DCLK2: variants seen among roughly 807,000 people sequenced by gnomAD.
The protein encoded by DCLK2 is doublecortin like kinase 2.
Under a neutral mutation model 78.4 loss-of-function variants are expected in DCLK2, and 31 were observed. The ratio of observed to expected loss-of-function variants is 0.40; its 90% confidence interval spans 0.30 to 0.53. The LOEUF (loss-of-function observed/expected upper bound fraction) is 0.53, where lower values mean the gene tolerates loss of function less well. DCLK2 is among the 20% of genes least tolerant of loss of function. The pLI, the probability that DCLK2 is intolerant of heterozygous loss-of-function variation, is 0.61. For missense variants in DCLK2, 872 were observed against 973.7 expected (o/e 0.90, Z 1.39); for synonymous variants, 407 against 374.9 (o/e 1.09, Z -0.99).
intron 2 of DCLK2, among the ~76,000 whole-genome samples, chr4:150,170,806 A>C (rs530267924): frequency 3.9e-5 from 6 of 152,332 alleles, no homozygotes; most frequent in African/African-American, 1.4e-4. Flanking sequence ...AAACCTGTAC[A>C]ACATGACTCT....
intron 11 of DCLK2, 128 bp downstream of exon 11, chr4:150,240,003 CA>C (rs1742793197): frequency 9.7e-7 from 1 of 1,032,626 alleles, no homozygotes; most frequent in Non-Finnish European, 1.4e-6. Flanking sequence ...CTTGTGTATA[CA>C]GTTGGTAAGA....
In DCLK2 at chr4:150,247,687, G is replaced by C. The variant is rs759327510; in HGVS notation, c.1863G>C (p.Thr621=). The C allele has an allele frequency of 6.2e-7, 1 of 1,613,920 alleles. No homozygotes were observed. Among genetic ancestry groups the C allele is most frequent in the East Asian group, 2.2e-5 (1 of 44,884 alleles). ...EFPAPYWDNI[T]DSAKELISQM... ...CGGCCCCCTACTGGGATAACATCACGGACTCTGCCAAGGTACCCTCCAGGC... is the reference window on the plus strand; with the variant it reads ...CGGCCCCCTACTGGGATAACATCACCGACTCTGCCAAGGTACCCTCCAGGC... Residue 621 remains threonine, a synonymous_variant, in exon 13 of 16, where the codon ACG becomes ACC. Transcript: ENST00000296550.
chr4:150,244,842 CAG>C (rs1169640390), intron 12 of DCLK2, among the ~76,000 whole-genome samples: 4 of 152,224 alleles, frequency 2.6e-5, no homozygotes, highest in Admixed American at 6.5e-5. Flanking sequence ...TTTGTTGACT[CAG>C]GGTATTTTGC....
chr4:150,182,812 G>A (rs1737627772), intron 2 of DCLK2, among the ~76,000 whole-genome samples: 1 of 152,016 alleles, frequency 6.6e-6, no homozygotes, highest in Admixed American at 6.6e-5. Context: ...GCCATTTACT[G>A]GACTTCCTTT....
chr4:150,160,255 C>T (rs1429205105), intron 2 of DCLK2, among the ~76,000 whole-genome samples: 1 of 152,152 alleles, frequency 6.6e-6, no homozygotes, highest in Non-Finnish European at 1.5e-5. Flanking sequence ...TGAGCTCAAG[C>T]AATCCACCTG....
intron 1 of DCLK2, among the ~76,000 whole-genome samples, chr4:150,090,841 C>T (rs553446650): frequency 1.3e-5 from 2 of 152,216 alleles, no homozygotes; most frequent in African/African-American, 2.4e-5. Context: ...CACTTGCCTG[C>T]AGGTGTATTG....
At chr4:150,140,235 A>C (rs1734022457) in intron 2 of DCLK2, among the ~76,000 whole-genome samples, 1 of 152,216 alleles carries the variant, frequency 6.6e-6, no homozygotes, top group Non-Finnish European at 1.5e-5. Context: ...TATCTTCTTT[A>C]ATTATTGTTA....
At chr4:150,254,310 G>T (rs1560919865) in intron 15 of DCLK2, 1 of 398,218 alleles carries the variant, frequency 2.5e-6, no homozygotes, top group African/African-American at 2.1e-5. Flanking sequence ...CTTAATTTAA[G>T]ATAGACAAAA....
At chr4:150,242,898 T>C (rs1163366737) in intron 12 of DCLK2, among the ~76,000 whole-genome samples, 1 of 151,462 alleles carries the variant, frequency 6.6e-6, no homozygotes, top group African/African-American at 2.4e-5. Context: ...CTCAGTGATG[T>C]CATGTTTTGG....
At chr4:150,217,638 C>G (rs913260880) in intron 5 of DCLK2, among the ~76,000 whole-genome samples, 5 of 152,190 alleles carry the variant, frequency 3.3e-5, no homozygotes, top group Non-Finnish European at 5.9e-5. Flanking sequence ...CTTCTTATCC[C>G]TTAAAACAGC....
chr4:150,142,962 C>T (rs1463972389), intron 2 of DCLK2, among the ~76,000 whole-genome samples: 1 of 152,054 alleles, frequency 6.6e-6, no homozygotes, highest in African/African-American at 2.4e-5. Flanking sequence ...TCCCCAGTGT[C>T]TGTTATTTCT....
chr4:150,197,259 G>A (rs915171827), intron 3 of DCLK2, among the ~76,000 whole-genome samples: 1 of 152,178 alleles, frequency 6.6e-6, no homozygotes, highest in African/African-American at 2.4e-5. Context: ...ATAAGTTAGA[G>A]TCCCATACCC....
intron 2 of DCLK2, among the ~76,000 whole-genome samples, chr4:150,155,734 T>C (rs1006520322): frequency 1.3e-5 from 2 of 152,136 alleles, no homozygotes; most frequent in African/African-American, 4.8e-5. Context: ...TCAATAAGAT[T>C]GGGATTTCTG....
chr4:150,236,203 G>A (rs1742492538), intron 10 of DCLK2, among the ~76,000 whole-genome samples: 1 of 152,198 alleles, frequency 6.6e-6, no homozygotes, highest in African/African-American at 2.4e-5. Context: ...TTGTGGTGGG[G>A]CGTTTGAACA....
intron 1 of DCLK2, among the ~76,000 whole-genome samples, chr4:150,096,409 C>T (rs1373527473): frequency 9.9e-5 from 15 of 152,118 alleles, no homozygotes; most frequent in Non-Finnish European, 4.4e-5. Flanking sequence ...GGGTTGAACT[C>T]GAGAAAGATC....
rs371290261 is a variant in DCLK2 at position 150,079,454 on chromosome 4, A to T, written c.421+6A>T. The T allele has an allele frequency of 4.0e-4, 597 of 1,486,758 alleles. 3 individuals are homozygous for T. The African/African-American group carries it at 7.5e-3, about 19-fold the overall frequency. The allele number at this position is 1,486,758 out of a possible 1,614,324, so 92.1% of individuals were successfully genotyped here. ...CCTGGACGAGCTGCTGGAAGGTAGG[A>T]GGGGAGGGCGCCGCACGGCAGGTGC... On this transcript the variant is annotated splice_donor_region_variant and intron_variant, in intron 1 of 15. Transcript: ENST00000296550.
chr4:150,087,577 G>A (rs2150134621), intron 1 of DCLK2, among the ~76,000 whole-genome samples: 1 of 152,340 alleles, frequency 6.6e-6, no homozygotes, highest in East Asian at 1.9e-4. Flanking sequence ...AGGGGAAGTT[G>A]TCCATTTTTA....
At chr4:150,180,248 T>A (rs1254483486) in intron 2 of DCLK2, among the ~76,000 whole-genome samples, 1 of 152,216 alleles carries the variant, frequency 6.6e-6, no homozygotes, top group Non-Finnish European at 1.5e-5. Context: ...TCTTTGAGCC[T>A]CTTTTTGTGT....
At chr4:150,247,275 A>G (rs187495439) in intron 12 of DCLK2, among the ~76,000 whole-genome samples, 22 of 152,312 alleles carry the variant, frequency 1.4e-4, no homozygotes, top group Middle Eastern at 3.4e-3. Context: ...GTACCACTAA[A>G]TGCATTCACA....
Sources: gnomAD v4.1 joint callset for allele counts (sites outside exome capture counted in the v4.1 genomes callset) on GRCh38, gnomAD v4.1.1 for gene constraint, MANE v1.5 for transcripts, NCBI Gene and HGNC (gene_info 2026-07-23, HGNC 2026-07-21) for gene names.